Variants in CAMTA1 observed in about 807,000 individuals in gnomAD.
CAMTA1 encodes calmodulin binding transcription activator 1.
Under a neutral mutation model 170.9 loss-of-function variants are expected in CAMTA1, and 27 were observed. The observed-to-expected ratio is 0.16, with a 90% CI of 0.12 to 0.22. CAMTA1 has a LOEUF of 0.22. CAMTA1 is among the 10% of genes least tolerant of loss of function. CAMTA1 has a pLI of 1.00. For missense variants in CAMTA1, 1,619 were observed against 2,217.2 expected (o/e 0.73, Z 5.42); for synonymous variants, 833 against 891.5 (o/e 0.93, Z 1.17).
intron 5 of CAMTA1, among the ~76,000 whole-genome samples, chr1:7,339,522 G>C (rs185276234): frequency 1.3e-5 from 2 of 152,220 alleles, no homozygotes. Flanking sequence ...TGGCCATTCT[G>C]AGTTTTTTTC....
chr1:6,964,354 G>A (rs1462411453), intron 3 of CAMTA1, among the ~76,000 whole-genome samples: 2 of 152,104 alleles, frequency 1.3e-5, no homozygotes, highest in Non-Finnish European at 2.9e-5. Flanking sequence ...CCTGGGGAGG[G>A]CGCAGCGTCC....
At chr1:7,507,180 CACAT>C (rs201703077) in intron 6 of CAMTA1, among the ~76,000 whole-genome samples, 2,926 of 152,078 alleles carry the variant, frequency 0.019, 86 homozygotes, top group African/African-American at 0.066. Context: ...CGCTCACACT[CACAT>C]ACATAACACC....
In CAMTA1 at chr1:7,050,435, C is replaced by G. The variant is rs1274384615; in HGVS notation, c.235-40869C>G. ...CCCACACTCTGGCTGCTCATTGCCACTCTGGGTCCCGACCGGGTGTGGGTT... is the reference window on the plus strand; with the variant it reads ...CCCACACTCTGGCTGCTCATTGCCAGTCTGGGTCCCGACCGGGTGTGGGTT... On this transcript the variant is annotated intron_variant, in intron 3 of 22. Coordinates refer to ENST00000303635, the MANE Select transcript of CAMTA1 (RefSeq NM_015215.4). The surrounding 1 kb of genome is among the most constrained non-coding windows in gnomAD (Gnocchi z 4.8). Among the ~76,000 whole-genome samples, 1 of 152,188 alleles carries G rather than the reference C, an allele frequency of 6.6e-6. No individual in the cohort carries two copies. The highest frequency in any genetic ancestry group is 2.4e-5 in the African/African-American group (1 of 41,440).
At position 7,737,558 on chromosome 1, in the gene CAMTA1, A is replaced by G; in HGVS notation, c.3646A>G (p.Ser1216Gly). 6.2e-7 allele frequency: 1 copy of G among 1,607,850 alleles called. No individual in the cohort carries two copies. Among genetic ancestry groups the G allele is most frequent in the Non-Finnish European group, 8.5e-7 (1 of 1,175,942 alleles). The change falls in exon 15 of 23, where the codon AGC becomes GGC. Residue 1216 changes from serine (S) to glycine (G), a missense_variant. By Grantham distance (56) the Ser-to-Gly change is moderately conservative. Transcript: ENST00000303635. ...EIPKGVTVIASTNPELRRPRS... is the reference protein window; with the variant it reads ...EIPKGVTVIAGTNPELRRPRS... ...ACCCAAGGGAGTCACTGTTATTGCA[A>G]GCACCAACCCAGGTAAGAATTCAGA... is the stretch of plus-strand genomic sequence containing the variant.
At chr1:6,888,062 A>G in intron 3 of CAMTA1, 2 of 1,077,734 alleles carry the variant, frequency 1.9e-6, no homozygotes, top group Non-Finnish European at 2.3e-6. Flanking sequence ...CAGCGGTGGT[A>G]TGTTTTCCAG....
At chr1:7,336,285 G>C (rs56206824) in intron 5 of CAMTA1, among the ~76,000 whole-genome samples, 4 of 152,342 alleles carry the variant, frequency 2.6e-5, no homozygotes, top group Non-Finnish European at 4.4e-5. Flanking sequence ...GTTCATCAGC[G>C]CCCAGAGGCC....
intron 3 of CAMTA1, among the ~76,000 whole-genome samples, chr1:6,996,879 C>G (rs1697342743): frequency 6.6e-6 from 1 of 152,096 alleles, no homozygotes; most frequent in South Asian, 2.1e-4. Context: ...AGCTACTTCT[C>G]CATGATTGAA....
chr1:7,601,622 T>C (rs2095443830), intron 6 of CAMTA1, among the ~76,000 whole-genome samples: 1 of 152,114 alleles, frequency 6.6e-6, no homozygotes, highest in African/African-American at 2.4e-5. Context: ...CGAGCCGAGA[T>C]CACGCCACTG....
chr1:7,496,607 A>G (rs951944009), intron 6 of CAMTA1, among the ~76,000 whole-genome samples: 1 of 152,080 alleles, frequency 6.6e-6, no homozygotes, highest in African/African-American at 2.4e-5. Flanking sequence ...CAGCATCTCC[A>G]TTGGGCTTTG....
At chr1:7,091,743 C>A (rs1464454864) in intron 4 of CAMTA1, among the ~76,000 whole-genome samples, 2 of 152,194 alleles carry the variant, frequency 1.3e-5, no homozygotes, top group Non-Finnish European at 2.9e-5. Context: ...GCTTAACTGC[C>A]CACTTTTATC....
intron 11 of CAMTA1, among the ~76,000 whole-genome samples, chr1:7,711,326 AT>A (rs959633798): frequency 2.6e-5 from 4 of 152,130 alleles, no homozygotes; most frequent in African/African-American, 9.7e-5. Flanking sequence ...GGGAGTTGGG[AT>A]TTCAACATAG....
chr1:7,650,468 A>G (rs1168230964), intron 7 of CAMTA1, among the ~76,000 whole-genome samples: 1 of 152,142 alleles, frequency 6.6e-6, no homozygotes, highest in East Asian at 1.9e-4. Context: ...TCCCACTTGC[A>G]AGAAGAAAGA....
chr1:7,160,815 C>T (rs574669466), intron 4 of CAMTA1, among the ~76,000 whole-genome samples: 2 of 152,274 alleles, frequency 1.3e-5, no homozygotes, highest in Admixed American at 6.5e-5. Flanking sequence ...TTCCTCTCTC[C>T]CCTGACATGC....
chr1:7,664,765 G>A lies in CAMTA1; in HGVS notation c.2218G>A (p.Val740Met), dbSNP rs772482641. ...CGGCGTCCCCATCCTCCCGGGCAACGTGGTGCAGGGACTCTACCCCGTGGC... is the reference window on the plus strand; with the variant it reads ...CGGCGTCCCCATCCTCCCGGGCAACATGGTGCAGGGACTCTACCCCGTGGC... ...AGGVPILPGN[V>M]VQGLYPVAQP... The change falls in exon 9 of 23, where the codon GTG becomes ATG. Residue 740 changes from valine (V) to methionine (M), a missense_variant. Physicochemically the swap from Val to Met is conservative, Grantham distance 21 (BLOSUM62 1). Transcript: ENST00000303635. 8.1e-6 allele frequency: 13 copies of A among 1,609,424 alleles called. No homozygotes were observed. Among genetic ancestry groups the A allele is most frequent in the Admixed American group, 5.0e-5 (3 of 59,894 alleles).
At chr1:7,409,422 C>T (rs1333286757) in intron 5 of CAMTA1, among the ~76,000 whole-genome samples, 2 of 152,176 alleles carry the variant, frequency 1.3e-5, no homozygotes, top group Non-Finnish European at 2.9e-5. Context: ...ACTAAGCTTA[C>T]CAGTCCCTTA....
intron 19 of CAMTA1, chr1:7,750,944 A>T: frequency 1.6e-6 from 1 of 628,262 alleles, no homozygotes; most frequent in East Asian, 3.2e-5. Flanking sequence ...TTTTTCTCCA[A>T]GAAGGGCAAG....
At chr1:7,348,253 C>G (rs1340220603) in intron 5 of CAMTA1, among the ~76,000 whole-genome samples, 1 of 152,214 alleles carries the variant, frequency 6.6e-6, no homozygotes, top group African/African-American at 2.4e-5. Context: ...CCAGCTTCAG[C>G]GTTCTGGCCT....
intron 5 of CAMTA1, among the ~76,000 whole-genome samples, chr1:7,320,098 T>A (rs1406229134): frequency 6.6e-6 from 1 of 152,228 alleles, no homozygotes; most frequent in Non-Finnish European, 1.5e-5. Context: ...TGATTTCTTT[T>A]TCTTGCTTTA....
At chr1:7,070,359 GAC>G (rs1444386413) in intron 3 of CAMTA1, among the ~76,000 whole-genome samples, 1 of 152,200 alleles carries the variant, frequency 6.6e-6, no homozygotes, top group African/African-American at 2.4e-5. Flanking sequence ...TTTCAGCTTG[GAC>G]ACTAATTCAT....
Sources: allele counts gnomAD v4.1 joint callset (sites outside exome capture counted in the v4.1 genomes callset), GRCh38; gene constraint gnomAD v4.1.1; non-coding constraint Gnocchi (gnomAD v3.1); transcripts MANE v1.5; gene names NCBI Gene and HGNC (gene_info 2026-07-23, HGNC 2026-07-21).